The following FGF13 variants were observed in gnomAD, a reference collection of about 807,000 sequenced individuals.
FGF13 encodes fibroblast growth factor 13, also known as fibroblast growth factor homologous factor 2.
A neutral mutation model predicts 19.5 loss-of-function variants in FGF13; 2 were observed. The observed-to-expected ratio is 0.10, with a 90% CI of 0.04 to 0.32. The LOEUF is 0.32. FGF13 is among the 10% of genes least tolerant of loss of function. The pLI, the probability that FGF13 is intolerant of heterozygous loss-of-function variation, is 1.00. For missense variants in FGF13, 113 were observed against 192.7 expected, an observed-to-expected ratio of 0.59 and a Z score of 2.45; for synonymous variants, 72 against 76.9, an observed-to-expected ratio of 0.94 and a Z score of 0.33.
chrX:138,999,479 C>T (rs182897132), intron 1 of FGF13, among the ~76,000 whole-genome samples: 150 of 110,725 alleles, frequency 1.4e-3, no homozygotes, highest in Middle Eastern at 4.7e-3. Flanking sequence ...ATCAAGTAGA[C>T]GCAATAAAAA....
chrX:139,088,779 T>C (rs968804179), intron 1 of FGF13, among the ~76,000 whole-genome samples: 2 of 111,635 alleles, frequency 1.8e-5, no homozygotes, highest in Non-Finnish European at 3.8e-5. Flanking sequence ...AATGTCTGCA[T>C]CCCCACAAAA....
Position 138,913,311 on chromosome X carries a change from C to T in FGF13, c.-112-48661G>A, listed in dbSNP as rs568283926. Among the ~76,000 whole-genome samples, 188 of 102,447 alleles carry T rather than the reference C, an allele frequency of 1.8e-3. 1 individual carries two copies. The highest frequency in any genetic ancestry group is 0.015 in the South Asian group (30 of 2,045). The allele number at this position is 102,447 out of a possible 115,157, so 89.0% of individuals were successfully genotyped here. A position where few individuals can be genotyped will look rare whatever the true frequency, so the allele number is the denominator to read the frequency against. On this transcript the variant is annotated intron_variant, in intron 1 of 2. Transcript: ENST00000421460. ...CCTCCCGAGTAGCTGGGACTACAGG[C>T]GTGTGCCACTACACCTGGCTAATTT...
intron 3 of FGF13, among the ~76,000 whole-genome samples, chrX:138,852,142 C>T (rs1216381717): frequency 9.0e-6 from 1 of 111,534 alleles, no homozygotes; most frequent in African/African-American, 3.3e-5. Context: ...CCATACTGCC[C>T]AAAGTAATTT....
chrX:139,194,813 A>C (rs1459511333), intron 1 of FGF13, among the ~76,000 whole-genome samples: 1 of 111,672 alleles, frequency 9.0e-6, no homozygotes, highest in Non-Finnish European at 1.9e-5. Context: ...CGGAGCGCGC[A>C]GTATCTTCCC....
At position 139,149,197 on chromosome X, in the gene FGF13, T is replaced by C. The variant is rs750168773; in HGVS notation, c.-113+54219A>G. 2.7e-5 allele frequency among the ~76,000 whole-genome samples: 3 copies of C among 112,123 alleles called. No homozygotes were observed. The South Asian group carries it at 1.1e-3, about 41-fold the overall frequency. ...TTACTCTCCCTTTATTCTTTCAAGA[T>C]ATTCACACTGCTTTATTCAAATTGT... is the stretch of plus-strand genomic sequence containing the variant. On this transcript the variant is annotated intron_variant, in intron 1 of 2. Transcript: ENST00000421460.
chrX:139,058,655 A>T (rs1217387057), intron 1 of FGF13, among the ~76,000 whole-genome samples: 1 of 112,351 alleles, frequency 8.9e-6, no homozygotes, highest in East Asian at 2.8e-4. Flanking sequence ...TACTAAAGTA[A>T]GATGAAAAAA....
At chrX:138,811,406 G>C (rs915685436) in intron 3 of FGF13, among the ~76,000 whole-genome samples, 2 of 110,055 alleles carry the variant, frequency 1.8e-5, no homozygotes, top group African/African-American at 6.6e-5. Context: ...GAGAACACTC[G>C]GACACAGGAA....
At chrX:138,893,149 G>A (rs780214733) in intron 1 of FGF13, among the ~76,000 whole-genome samples, 32 of 111,609 alleles carry the variant, frequency 2.9e-4, no homozygotes, top group Non-Finnish European at 4.5e-4. Context: ...GAAGGACCTC[G>A]GAGGTAACTG....
At chrX:139,005,078 A>T (rs759362556) in intron 1 of FGF13, among the ~76,000 whole-genome samples, 2 of 110,028 alleles carry the variant, frequency 1.8e-5, no homozygotes, top group Non-Finnish European at 3.8e-5. Flanking sequence ...ACAAACATAG[A>T]TGGAAGACAG....
chrX:138,945,258 C>T (rs1208448571), intron 1 of FGF13, among the ~76,000 whole-genome samples: 2 of 110,864 alleles, frequency 1.8e-5, no homozygotes, highest in South Asian at 3.9e-4. Context: ...AGACTACGTG[C>T]GACATGCATT....
At chrX:138,937,402 G>C (rs1468280394) in intron 1 of FGF13, among the ~76,000 whole-genome samples, 1 of 111,773 alleles carries the variant, frequency 8.9e-6, no homozygotes, top group African/African-American at 3.3e-5. Context: ...ATCTCTATAT[G>C]ACACTTCCTG....
At chrX:138,739,320 C>T in exon 1 of FGF13, 1 of 1,182,760 alleles carries the variant, frequency 8.5e-7, no homozygotes, top group African/African-American at 1.8e-5. Flanking sequence ...ACATTTGGAG[C>T]AGACACAGAG....
chrX:138,783,055 C>A (rs1462157621), intron 3 of FGF13, among the ~76,000 whole-genome samples: 88 of 94,973 alleles, frequency 9.3e-4, no homozygotes, highest in East Asian at 4.6e-3. Flanking sequence ...GAAAAACAAG[C>A]AATGGGGAAA....
chrX:138,857,663 G>A (rs772482734), exon 3 of FGF13: 5 of 1,195,156 alleles, frequency 4.2e-6, no homozygotes, highest in South Asian at 3.7e-5. Flanking sequence ...GTGTGCCAGG[G>A]GGGGCGTCAT....
Position 138,784,153 on chromosome X carries a change from T to C in FGF13, c.217+73359A>G, listed in dbSNP as rs1480550607. On this transcript the variant is annotated intron_variant, in intron 3 of 6. Transcript: ENST00000436198. ...ACACAGGAAGAGGAACATCACACTC[T>C]GGGGACTGTTGTGGGGTGGGGGGAG... Among the ~76,000 whole-genome samples, 22 of 71,105 alleles carry C rather than the reference T, an allele frequency of 3.1e-4. 1 individual carries two copies. The Admixed American group carries it at 3.3e-3, about 11-fold the overall frequency. The allele number at this position is 71,105 out of a possible 115,157, so 61.7% of individuals were successfully genotyped here.
At chrX:138,986,491 T>G (rs1169092915) in intron 1 of FGF13, among the ~76,000 whole-genome samples, 2 of 112,270 alleles carry the variant, frequency 1.8e-5, no homozygotes, top group South Asian at 3.7e-4. Context: ...CTACTGGGCT[T>G]CAGCAGCAGC....
At chrX:138,907,527 G>T (rs768586658) in intron 1 of FGF13, among the ~76,000 whole-genome samples, 3 of 111,469 alleles carry the variant, frequency 2.7e-5, no homozygotes, top group Non-Finnish European at 5.7e-5. Flanking sequence ...AGGACTGTAG[G>T]AAGCATCCCA....
At chrX:138,949,094 A>G (rs1283017974) in intron 1 of FGF13, among the ~76,000 whole-genome samples, 1 of 111,635 alleles carries the variant, frequency 9.0e-6, no homozygotes, top group African/African-American at 3.3e-5. Context: ...TTTTTCTGCT[A>G]CAGCATTGCT....
chrX:138,728,723 G>A (rs985362401), intron 1 of FGF13, among the ~76,000 whole-genome samples: 1 of 110,469 alleles, frequency 9.1e-6, no homozygotes, highest in Non-Finnish European at 1.9e-5. Flanking sequence ...CACCCCATGG[G>A]CATTGAGTAC....
Sources: gnomAD v4.1 joint callset for allele counts (sites outside exome capture counted in the v4.1 genomes callset) on GRCh38, gnomAD v4.1.1 for gene constraint, MANE v1.5 for transcripts, NCBI Gene and HGNC (gene_info 2026-07-23, HGNC 2026-07-21) for gene names.